PCBD2: variants seen among roughly 807,000 people sequenced by gnomAD.
The protein encoded by PCBD2 is pterin-4-alpha-carbinolamine dehydratase 2.
A neutral mutation model predicts 16.4 loss-of-function variants in PCBD2; 12 were observed. The ratio of observed to expected loss-of-function variants is 0.73; its 90% CI spans 0.47 to 1.19. PCBD2 has a LOEUF of 1.19. Ranked by LOEUF, PCBD2 falls within the 50% of genes most tolerant of loss-of-function variation. The pLI is 0.00. For missense variants in PCBD2, 138 were observed against 156.8 expected (o/e 0.88, Z 0.64); for synonymous variants, 58 against 61.8 (o/e 0.94, Z 0.29).
At chr5:134,906,886 C>CA (rs762828798) in intron 1 of PCBD2, among the ~76,000 whole-genome samples, 5 of 152,224 alleles carry the variant, frequency 3.3e-5, no homozygotes, top group Non-Finnish European at 7.3e-5. Flanking sequence ...GCCTACCCCC[C>CA]ATCCCCTGAA....
chr5:134,925,649 G>C, intron 2 of PCBD2: 1 of 397,520 alleles, frequency 2.5e-6, no homozygotes, highest in Non-Finnish European at 4.4e-6. Flanking sequence ...TGGATTAGTG[G>C]GTTATTCTCT....
intron 2 of PCBD2, among the ~76,000 whole-genome samples, chr5:134,914,168 TC>T (rs1411920783): frequency 6.6e-6 from 1 of 152,088 alleles, no homozygotes; most frequent in Non-Finnish European, 1.5e-5. Flanking sequence ...CGATGATATG[TC>T]CATTGTGGTT....
chr5:134,909,393 A>T (rs1377604880), intron 1 of PCBD2, among the ~76,000 whole-genome samples: 2 of 152,234 alleles, frequency 1.3e-5, no homozygotes, highest in African/African-American at 4.8e-5. Context: ...GTTTTTCCCC[A>T]TCCGGGGATT....
chr5:134,920,394 G>T (rs1308354829), intron 2 of PCBD2, among the ~76,000 whole-genome samples: 2 of 152,100 alleles, frequency 1.3e-5, no homozygotes, highest in African/African-American at 4.8e-5. Flanking sequence ...TGATTTTGTT[G>T]TTTTAGGCGA....
chr5:134,910,554 C>A (rs1041526710), intron 2 of PCBD2, 88 bp downstream of exon 2: 34 of 1,426,478 alleles, frequency 2.4e-5, no homozygotes, highest in African/African-American at 1.4e-5. Context: ...TTGTCTGGTC[C>A]CATGTAGATC....
intron 2 of PCBD2, among the ~76,000 whole-genome samples, chr5:134,918,867 G>A (rs1388585256): frequency 6.6e-6 from 1 of 152,162 alleles, no homozygotes; most frequent in Non-Finnish European, 1.5e-5. Flanking sequence ...CGTCCACCAG[G>A]GTAGGGAAAT....
chr5:134,920,829 G>C (rs1309203868), intron 2 of PCBD2, among the ~76,000 whole-genome samples: 1 of 152,156 alleles, frequency 6.6e-6, no homozygotes, highest in Non-Finnish European at 1.5e-5. Flanking sequence ...CTAATTTTTT[G>C]TATTTTTAGT....
At chr5:134,949,192 G>A (rs1007170250) in intron 2 of PCBD2, among the ~76,000 whole-genome samples, 2 of 152,084 alleles carry the variant, frequency 1.3e-5, no homozygotes, top group African/African-American at 4.8e-5. Context: ...GTTCCGCAAG[G>A]AAATCTTCCC....
At chr5:134,913,182 A>G (rs1204113764) in intron 2 of PCBD2, among the ~76,000 whole-genome samples, 1 of 152,242 alleles carries the variant, frequency 6.6e-6, no homozygotes, top group Non-Finnish European at 1.5e-5. Flanking sequence ...CTCTAAGCTC[A>G]TACAGCTCCC....
At chr5:134,917,587 T>C (rs1415747106) in intron 2 of PCBD2, among the ~76,000 whole-genome samples, 1 of 152,208 alleles carries the variant, frequency 6.6e-6, no homozygotes, top group Non-Finnish European at 1.5e-5. Context: ...CATTCAGTCA[T>C]ATTGGATGGA....
chr5:134,941,111 TC>T (rs1239901257), intron 2 of PCBD2, among the ~76,000 whole-genome samples: 1 of 119,042 alleles, frequency 8.4e-6, no homozygotes, highest in African/African-American at 3.3e-5. Context: ...CGAGAGTCCA[TC>T]TCAAGGAAAA....
At chr5:134,919,853 C>T (rs1354093896) in intron 2 of PCBD2, among the ~76,000 whole-genome samples, 1 of 152,208 alleles carries the variant, frequency 6.6e-6, no homozygotes, top group Non-Finnish European at 1.5e-5. Flanking sequence ...TTATCAATAG[C>T]TTTCGGGTTT....
At chr5:134,939,857 A>G (rs898913561) in intron 2 of PCBD2, among the ~76,000 whole-genome samples, 1 of 152,082 alleles carries the variant, frequency 6.6e-6, no homozygotes, top group African/African-American at 2.4e-5. Flanking sequence ...CCCAACCACC[A>G]TGAAAAACCA....
At chr5:134,924,240 T>C (rs1305905664) in intron 2 of PCBD2, 1 of 395,324 alleles carries the variant, frequency 2.5e-6, no homozygotes. Flanking sequence ...TGTGATTGGG[T>C]GTGTTATTAT....
intron 2 of PCBD2, among the ~76,000 whole-genome samples, chr5:134,951,825 G>T (rs1307985710): frequency 2.0e-5 from 3 of 152,008 alleles, no homozygotes; most frequent in Non-Finnish European, 2.9e-5. Flanking sequence ...ATGGTGGTTG[G>T]TCTCATTAAT....
At chr5:134,926,738 T>G (rs1196744208) in intron 2 of PCBD2, 1 of 397,416 alleles carries the variant, frequency 2.5e-6, no homozygotes, top group Non-Finnish European at 4.4e-6. Flanking sequence ...TGAGAGTGTT[T>G]TCTCGTGTGA....
intron 2 of PCBD2, among the ~76,000 whole-genome samples, chr5:134,930,962 C>T (rs570506401): frequency 3.3e-5 from 5 of 152,168 alleles, no homozygotes; most frequent in South Asian, 2.1e-4. Flanking sequence ...CTGTTGCCCA[C>T]GCTGGAATGC....
At position 134,947,280 on chromosome 5, in the gene PCBD2, C is replaced by T. The variant is rs138929704; in HGVS notation, c.217-11760C>T. Among the ~76,000 whole-genome samples, 525 of 151,258 alleles carry T rather than the reference C, an allele frequency of 3.5e-3. 8 individuals are homozygous for T. In the East Asian group the frequency reaches 0.039, roughly 11 times the overall value. ...GCTAATTTTGTGTTTTTAGTAGAGA[C>T]GGGGTTTACTCCATGTTGGTCAGGC... On this transcript the variant is annotated intron_variant, in intron 2 of 3. Transcript: ENST00000254908.
At chr5:134,909,653 A>G (rs2149529737) in intron 1 of PCBD2, among the ~76,000 whole-genome samples, 1 of 152,334 alleles carries the variant, frequency 6.6e-6, no homozygotes, top group South Asian at 2.1e-4. Flanking sequence ...AGAGCAATAG[A>G]CCAGGAGTTT....
Sources: gnomAD v4.1 joint callset for allele counts (sites outside exome capture counted in the v4.1 genomes callset) on GRCh38, gnomAD v4.1.1 for gene constraint, MANE v1.5 for transcripts, NCBI Gene and HGNC (gene_info 2026-07-23, HGNC 2026-07-21) for gene names.